The following MYH16 variants were observed in gnomAD, a reference collection of about 807,000 sequenced individuals.
MYH16 encodes the protein myosin heavy chain 16.
intron 7 of MYH16, chr7:99,252,978 A>G (rs1297520218): frequency 1.3e-5 from 2 of 152,218 alleles, no homozygotes; most frequent in Admixed American, 6.6e-5. Flanking sequence ...AATATTAAGA[A>G]TTTCAGGCCA....
intron 1 of MYH16, among the ~76,000 whole-genome samples, chr7:99,240,946 G>A (rs1398701759): frequency 6.6e-6 from 1 of 152,188 alleles, no homozygotes; most frequent in East Asian, 1.9e-4. Context: ...GATATAGTTG[G>A]GTGGAAATGG....
Position 99,240,368 on chromosome 7 carries a change from G to A in MYH16, n.210+1330G>A, listed in dbSNP as rs1418526929. Among the ~76,000 whole-genome samples the A allele has an allele frequency of 3.9e-5, 6 of 152,082 alleles. 1 individual carries two copies. Among genetic ancestry groups the A allele is most frequent in the East Asian group, 3.9e-4 (2 of 5,180 alleles). On this transcript the variant is annotated intron_variant and non_coding_transcript_variant, in intron 1 of 41. Transcript: ENST00000439784. ...GAGGGAGGCATGAGCCATTGCACCC[G>A]GCCACTTTTCCATTTAAGAAAAAAG... is the stretch of plus-strand genomic sequence containing the variant.
chr7:99,292,978 T>A, intron 32 of MYH16, among the ~76,000 whole-genome samples: 1 of 143,380 alleles, frequency 7.0e-6, no homozygotes, highest in Non-Finnish European at 1.5e-5. Context: ...AAAAAAAAAC[T>A]ACATAAGTGG....
At chr7:99,297,670 G>T (rs1193429676) in exon 35 of MYH16, 1 of 456,446 alleles carries the variant, frequency 2.2e-6, no homozygotes, top group Non-Finnish European at 4.4e-6. Flanking sequence ...AGGAGATAAA[G>T]GATCTCATTG....
chr7:99,240,323 C>G (rs1791652747), intron 1 of MYH16, among the ~76,000 whole-genome samples: 1 of 152,082 alleles, frequency 6.6e-6, no homozygotes, highest in Non-Finnish European at 1.5e-5. Flanking sequence ...CCATTCCATC[C>G]CTTCATGGTG....
chr7:99,249,456 T>A (rs1262016116), intron 4 of MYH16, among the ~76,000 whole-genome samples: 1 of 150,166 alleles, frequency 6.7e-6, no homozygotes, highest in Non-Finnish European at 1.5e-5. Context: ...GGAAGATTGC[T>A]TGAGCCCAGG....
intron 23 of MYH16, among the ~76,000 whole-genome samples, chr7:99,282,260 A>C (rs905461365): frequency 3.9e-5 from 6 of 152,164 alleles, no homozygotes; most frequent in African/African-American, 9.7e-5. Context: ...TCCTGACCTC[A>C]AGTGATCCTC....
chr7:99,291,830 G>A (rs111868950), intron 31 of MYH16, among the ~76,000 whole-genome samples: 2,226 of 152,130 alleles, frequency 0.015, 67 homozygotes, highest in African/African-American at 0.052. Context: ...ATGGTGGTGA[G>A]TGCCTATAAT....
chr7:99,283,198 G>A (rs918104259), intron 23 of MYH16, among the ~76,000 whole-genome samples: 7 of 151,998 alleles, frequency 4.6e-5, no homozygotes, highest in South Asian at 2.1e-4. Flanking sequence ...TCCTGGGCTC[G>A]TGATCGTCCT....
chr7:99,296,148 T>TAAA (rs60180969), intron 33 of MYH16, among the ~76,000 whole-genome samples: 20 of 91,378 alleles, frequency 2.2e-4, no homozygotes, highest in African/African-American at 5.6e-4. Context: ...CATCTCAATT[T>TAAA]AAAAAAAAAA....
At chr7:99,273,801 A>G (rs1792075986) in intron 20 of MYH16, among the ~76,000 whole-genome samples, 1 of 150,708 alleles carries the variant, frequency 6.6e-6, no homozygotes, top group Non-Finnish European at 1.5e-5. Flanking sequence ...AGGAAGGGAG[A>G]GAGGAAAGGA....
At chr7:99,302,317 T>TATAC (rs1184408879) in intron 38 of MYH16, among the ~76,000 whole-genome samples, 1,000 of 95,552 alleles carry the variant, frequency 0.01, 50 homozygotes, top group African/African-American at 0.019. Context: ...AAAAAATATA[T>TATAC]ACACACACAC....
chr7:99,298,318 C>T lies in MYH16; in HGVS notation n.4740+323C>T, dbSNP rs142167219. On this transcript the variant is annotated intron_variant and non_coding_transcript_variant, in intron 36 of 41. Coordinates refer to ENST00000439784, the Ensembl canonical transcript of MYH16. ...TGCAATCCCAGCTCACTGCAACTTC[C>T]GCCTCCTGGTTTCAAGCAATTCTCC... Among the ~76,000 whole-genome samples, 110 of 151,866 alleles carry T rather than the reference C, an allele frequency of 7.2e-4. 3 individuals carry two copies. In the Middle Eastern group the frequency reaches 0.041, roughly 56 times the overall value.
chr7:99,252,069 A>G (rs2150807952), intron 6 of MYH16, among the ~76,000 whole-genome samples: 1 of 152,196 alleles, frequency 6.6e-6, no homozygotes, highest in East Asian at 1.9e-4. Context: ...GGCAACAGTG[A>G]TGGTGGAGGG....
chr7:99,258,949 C>CT (rs1163510941), intron 11 of MYH16, among the ~76,000 whole-genome samples: 8 of 152,118 alleles, frequency 5.3e-5, no homozygotes, highest in African/African-American at 1.9e-4. Flanking sequence ...CCTCAGGAAA[C>CT]TTACGATCAT....
At chr7:99,246,005 A>C (rs1791724252) in intron 2 of MYH16, among the ~76,000 whole-genome samples, 1 of 151,586 alleles carries the variant, frequency 6.6e-6, no homozygotes, top group African/African-American at 2.4e-5. Flanking sequence ...AGTTCATGAC[A>C]AGCCTGAGCA....
intron 20 of MYH16, 140 bp from the exon 3 acceptor site, chr7:99,277,399 C>A (rs766416170): frequency 5.3e-4 from 181 of 341,618 alleles, no homozygotes; most frequent in Non-Finnish European, 8.4e-4. Flanking sequence ...AGGGACCCCA[C>A]CCGCAGAGCT....
chr7:99,260,222 T>G (rs1467502731), exon 12 of MYH16: 1 of 1,610,518 alleles, frequency 6.2e-7, no homozygotes, highest in African/African-American at 1.3e-5. Flanking sequence ...CAGCAGTTCT[T>G]CAACCACCAC....
At chr7:99,310,474 G>T (rs998721498), downstream of MYH16, among the ~76,000 whole-genome samples, 1 of 152,148 alleles carries the variant, frequency 6.6e-6, no homozygotes, top group Non-Finnish European at 1.5e-5. Context: ...TGTATCCCAG[G>T]GCACTGCACT....
Sources: allele counts gnomAD v4.1 joint callset (sites outside exome capture counted in the v4.1 genomes callset), GRCh38; gene constraint gnomAD v4.1.1; transcripts MANE v1.5; gene names NCBI Gene and HGNC (gene_info 2026-07-23, HGNC 2026-07-21).